KIF13B: variants seen among roughly 807,000 people sequenced by gnomAD.
The protein encoded by KIF13B is kinesin-like protein KIF13B.
A neutral mutation model predicts 222.0 loss-of-function variants in KIF13B; 127 were observed. That is an observed-to-expected ratio of 0.57 (90% CI 0.50 to 0.66). The LOEUF (loss-of-function observed/expected upper bound fraction) is 0.66, where lower values mean the gene tolerates loss of function less well. KIF13B is among the 30% of genes least tolerant of loss of function. KIF13B has a pLI of 0.00. For missense variants in KIF13B, 2,173 were observed against 2,379.0 expected (o/e 0.91, Z 1.80); for synonymous variants, 976 against 919.0 (o/e 1.06, Z -1.12).
chr8:29,068,971 G>A lies in KIF13B; in HGVS notation c.*1533C>T, dbSNP rs971040890. The stretch of plus-strand genomic sequence containing the variant: ...GCAGCCTTCGTGTCCCTCGCCAACT[G>A]GGGAGAGAAAGACAACCTGTCCTCG... On this transcript the variant is annotated 3_prime_UTR_variant, in exon 40 of 40. Transcript: ENST00000524189. The surrounding 1 kb of genome is among the most constrained non-coding windows in gnomAD (Gnocchi z 4.4). 6.6e-6 allele frequency: 1 copy of A among 152,258 alleles called. No homozygotes were observed. Among genetic ancestry groups the A allele is most frequent in the Non-Finnish European group, 1.5e-5 (1 of 68,098 alleles). The allele number at this position is 152,258 out of a possible 1,614,324, so 9.4% of individuals were successfully genotyped here. A position where few individuals can be genotyped will look rare whatever the true frequency, so the allele number is the denominator to read the frequency against.
chr8:29,223,674 T>C (rs1156635649), intron 2 of KIF13B, among the ~76,000 whole-genome samples: 1 of 152,212 alleles, frequency 6.6e-6, no homozygotes, highest in Non-Finnish European at 1.5e-5. Context: ...CCAACTCTGG[T>C]ATATTGTATT....
At chr8:29,223,948 C>A (rs1335960359) in intron 2 of KIF13B, among the ~76,000 whole-genome samples, 13 of 151,856 alleles carry the variant, frequency 8.6e-5, no homozygotes. Context: ...GCCTCAGCCT[C>A]CCAAAGTGTT....
chr8:29,202,610 T>C (rs1813744402), intron 2 of KIF13B, among the ~76,000 whole-genome samples: 2 of 152,126 alleles, frequency 1.3e-5, no homozygotes, highest in South Asian at 4.2e-4. Context: ...GGGTTATTTC[T>C]TTAGTATAAG....
At chr8:29,223,164 C>CAAAAAAAAAAAAAA (rs375009923) in intron 2 of KIF13B, among the ~76,000 whole-genome samples, 1 of 113,144 alleles carries the variant, frequency 8.8e-6, no homozygotes, top group Non-Finnish European at 1.8e-5. Context: ...CAAAAAAATA[C>CAAAAAAAAAAAAAA]AAAAAAAAAA....
rs146273813 is a variant in KIF13B at position 29,180,011 on chromosome 8, G to C, written c.720+93C>G. ...CCTCATTGATACACAAGTCTAGCCA[G>C]GACTTTAATTCATCTAACACCTGAA... On this transcript the variant is annotated intron_variant, in intron 8 of 39. Coordinates refer to ENST00000524189, the MANE Select transcript of KIF13B (RefSeq NM_015254.4). The C allele has an allele frequency of 1.8e-3, 2,489 of 1,401,600 alleles. 35 individuals are homozygous for C. The African/African-American group carries it at 0.031, about 18-fold the overall frequency. The allele number at this position is 1,401,600 out of a possible 1,614,324, so 86.8% of individuals were successfully genotyped here. A position where few individuals can be genotyped will look rare whatever the true frequency, so the allele number is the denominator to read the frequency against.
At chr8:29,088,839 C>A (rs1477031943) in intron 37 of KIF13B, among the ~76,000 whole-genome samples, 7 of 152,302 alleles carry the variant, frequency 4.6e-5, no homozygotes, top group African/African-American at 1.2e-4. Context: ...TGAAGTGTGA[C>A]CCAAGTAAGA....
In KIF13B at chr8:29,140,505, A is replaced by C; in HGVS notation, c.2447T>G (p.Leu816Ter). Residue 816 changes from leucine to a stop codon, truncating the protein, a stop_gained, in exon 20 of 40, where the codon TTA (leucine) becomes TGA (stop). Coordinates refer to ENST00000524189, the MANE Select transcript of KIF13B (RefSeq NM_015254.4). LOFTEE classifies it high-confidence loss of function. ...GTTGATGATGGGAACAGCGTATTGT[A>C]ACTTCACATCATAGAAAAGTGACTC... ...FLESLFYDVKLQYAVPIINQK... is the reference protein window; with the variant it reads ...FLESLFYDVK 6.2e-7 allele frequency: 1 copy of C among 1,613,972 alleles called. No homozygotes were observed. The highest frequency in any genetic ancestry group is 8.5e-7 in the Non-Finnish European group (1 of 1,179,842).
Position 29,069,484 on chromosome 8 carries a change from CCTTT to C in KIF13B, c.*1016_*1019del, listed in dbSNP as rs1399731597. On this transcript the variant is annotated 3_prime_UTR_variant, in exon 40 of 40. Transcript: ENST00000524189. ...ACCAAATAAAGTAGCAATGCCTCTT[CCTTT>C]GTCACCGACTACAGAAGCACATCAT... 1.3e-5 allele frequency: 2 copies of C among 152,300 alleles called. No homozygotes were observed. Among genetic ancestry groups the C allele is most frequent in the African/African-American group, 2.4e-5 (1 of 41,484 alleles). 9.4% of individuals were successfully genotyped at this position (152,300 alleles called of 1,614,324 possible).
At chr8:29,183,000 C>G (rs535753991) in intron 6 of KIF13B, among the ~76,000 whole-genome samples, 48 of 152,080 alleles carry the variant, frequency 3.2e-4, no homozygotes, top group African/African-American at 1.0e-3. Context: ...ATACAATTCT[C>G]ATTTGTCAAT....
intron 36 of KIF13B, among the ~76,000 whole-genome samples, chr8:29,096,493 T>C (rs981052813): frequency 6.6e-6 from 1 of 151,280 alleles, no homozygotes; most frequent in Non-Finnish European, 1.5e-5. Context: ...GGAGATGGGG[T>C]TTTGCCATGT....
chr8:29,070,787 G>T lies in KIF13B; in HGVS notation c.5219-21C>A. 6.3e-7 allele frequency: 1 copy of T among 1,581,900 alleles called. No individual in the cohort carries two copies. Among genetic ancestry groups the T allele is most frequent in the Admixed American group, 1.8e-5 (1 of 55,568 alleles). On this transcript the variant is annotated intron_variant, in intron 39 of 39. Transcript: ENST00000524189. This position sits in a 1 kb window ranked among gnomAD's most constrained non-coding sequence, Gnocchi z 4.1. Reference sequence around the variant, plus strand: ...CTTACCTGCGGGGGAAGGAGAGGGTGATATGGAGGGCAGCCGAGCTGCAGA... The same window carrying T: ...CTTACCTGCGGGGGAAGGAGAGGGTTATATGGAGGGCAGCCGAGCTGCAGA...
At chr8:29,235,837 C>T (rs1022054236) in intron 2 of KIF13B, among the ~76,000 whole-genome samples, 7 of 152,094 alleles carry the variant, frequency 4.6e-5, no homozygotes, top group African/African-American at 1.7e-4. Context: ...TAGAAAGCTA[C>T]GTTGTCATCT....
At chr8:29,175,833 C>T (rs188857389) in intron 10 of KIF13B, among the ~76,000 whole-genome samples, 4 of 152,302 alleles carry the variant, frequency 2.6e-5, no homozygotes, top group East Asian at 3.9e-4. Flanking sequence ...CGTGTGATTC[C>T]GTGTGCGTCC....
At chr8:29,263,363 G>T (rs1816761137), upstream of KIF13B, among the ~76,000 whole-genome samples, 1 of 152,264 alleles carries the variant, frequency 6.6e-6, no homozygotes, top group Non-Finnish European at 1.5e-5. Flanking sequence ...GCCTTCAAGA[G>T]CTGATACCTC....
intron 10 of KIF13B, among the ~76,000 whole-genome samples, chr8:29,168,934 C>T (rs528657816): frequency 6.6e-6 from 1 of 152,076 alleles, no homozygotes; most frequent in Non-Finnish European, 1.5e-5. Context: ...CAGGCTGAGA[C>T]AAATCATCGA....
chr8:29,155,938 A>G (rs955211559), intron 13 of KIF13B, 82 bp from the exon 14 acceptor site: 4 of 1,148,808 alleles, frequency 3.5e-6, no homozygotes, highest in South Asian at 1.3e-5. Flanking sequence ...GCCCTCTTAT[A>G]TTGTCCTATT....
At chr8:29,099,398 GAC>G (rs1407985382) in intron 35 of KIF13B, among the ~76,000 whole-genome samples, 157 bp from the exon 36 acceptor site, 1 of 151,856 alleles carries the variant, frequency 6.6e-6, no homozygotes, top group East Asian at 1.9e-4. Context: ...TATTTTAAGA[GAC>G]AGAGTTTCTG....
chr8:29,084,765 T>C (rs1349809972), intron 37 of KIF13B, among the ~76,000 whole-genome samples: 2 of 152,184 alleles, frequency 1.3e-5, no homozygotes, highest in African/African-American at 4.8e-5. Context: ...TCTAACTAAT[T>C]AGAGAGCAGG....
chr8:29,167,414 C>T lies in KIF13B; in HGVS notation c.1117G>A (p.Glu373Lys). The change falls in exon 11 of 40, where the codon GAA becomes AAA. Residue 373 changes from glutamate (E) to lysine (K), a missense_variant. Coordinates refer to ENST00000524189, the MANE Select transcript of KIF13B (RefSeq NM_015254.4). ...PNARIIRDLR[E>K]EVEKLREQLT... ...TGCTCCCGGAGTTTCTCAACTTCTT[C>T]CCGGAGATCCCGGATAATTCGGGCA... is the stretch of plus-strand genomic sequence containing the variant. 1 of 1,613,484 alleles carries T rather than the reference C, an allele frequency of 6.2e-7. No homozygotes were observed. Among genetic ancestry groups the T allele is most frequent in the Non-Finnish European group, 8.5e-7 (1 of 1,179,862 alleles).
Sources: gnomAD v4.1 joint callset for allele counts (sites outside exome capture counted in the v4.1 genomes callset) on GRCh38, gnomAD v4.1.1 for gene constraint, Gnocchi (gnomAD v3.1) non-coding constraint, MANE v1.5 for transcripts, NCBI Gene and HGNC (gene_info 2026-07-23, HGNC 2026-07-21) for gene names.